The following TMEM117 variants were observed in gnomAD, a reference collection of about 807,000 sequenced individuals.
TMEM117 encodes transmembrane protein 117.
In TMEM117, 27 loss-of-function variants were observed where a neutral mutation model predicts 52.4. That is an observed-to-expected ratio of 0.51 (90% CI 0.38 to 0.71). TMEM117 has a LOEUF of 0.71. Among genes scored for constraint, TMEM117 ranks in the 30% least tolerant of loss-of-function variants. The pLI is 0.00. For missense variants in TMEM117, 556 were observed against 630.5 expected (o/e 0.88, Z 1.26); for synonymous variants, 215 against 206.3 (o/e 1.04, Z -0.36).
chr12:43,972,172 G>A (rs1945598309), intron 3 of TMEM117, among the ~76,000 whole-genome samples: 1 of 152,198 alleles, frequency 6.6e-6, no homozygotes, highest in African/African-American at 2.4e-5. Context: ...CCAACAGGAA[G>A]GAGATACTAT....
intron 3 of TMEM117, among the ~76,000 whole-genome samples, chr12:44,046,592 G>T (rs1446865075): frequency 2.6e-5 from 4 of 152,172 alleles, no homozygotes; most frequent in South Asian, 2.1e-4. Context: ...ACCTGCCAAG[G>T]TGCTTGCTGA....
At chr12:44,216,469 A>T (rs745639936) in intron 5 of TMEM117, among the ~76,000 whole-genome samples, 1 of 152,172 alleles carries the variant, frequency 6.6e-6, no homozygotes, top group Non-Finnish European at 1.5e-5. Flanking sequence ...GGACTGTTTG[A>T]TACTGTAGCC....
At chr12:44,391,074 G>A (rs1330135940), downstream of TMEM117, among the ~76,000 whole-genome samples, 2 of 152,116 alleles carry the variant, frequency 1.3e-5, no homozygotes, top group African/African-American at 2.4e-5. Context: ...CAAATGTGAT[G>A]TCTTAATTGC....
intron 6 of TMEM117, among the ~76,000 whole-genome samples, chr12:44,374,373 A>C (rs901585984): frequency 3.3e-5 from 5 of 152,244 alleles, no homozygotes; most frequent in Non-Finnish European, 7.4e-5. Context: ...TGAATGAGTC[A>C]TCATCTATTT....
chr12:44,033,365 CT>C (rs1434093665), intron 3 of TMEM117, among the ~76,000 whole-genome samples: 1 of 152,192 alleles, frequency 6.6e-6, no homozygotes, highest in Non-Finnish European at 1.5e-5. Flanking sequence ...TCTTAATAAA[CT>C]TTCTTTCACT....
intron 2 of TMEM117, among the ~76,000 whole-genome samples, chr12:43,929,899 A>T (rs147945419): frequency 1.8e-4 from 28 of 151,980 alleles, no homozygotes; most frequent in African/African-American, 6.3e-4. Context: ...TATGTTATCA[A>T]TTTTTTCCCC....
intron 4 of TMEM117, among the ~76,000 whole-genome samples, chr12:44,162,059 A>G (rs990099153): frequency 2.0e-5 from 3 of 152,156 alleles, no homozygotes; most frequent in Non-Finnish European, 4.4e-5. Context: ...TGAAACTACT[A>G]AAGTGAGTTT....
chr12:44,082,108 G>A (rs1342102932), intron 3 of TMEM117, among the ~76,000 whole-genome samples: 1 of 151,800 alleles, frequency 6.6e-6, no homozygotes, highest in Non-Finnish European at 1.5e-5. Flanking sequence ...CTGTAAAATA[G>A]AATAATTCTA....
At position 44,311,797 on chromosome 12, in the gene TMEM117, GTATATATGTATATATGTA is replaced by G. The variant is rs1443577574; in HGVS notation, c.768+12082_768+12099del. ...TATATGTGTATATATGTATATATAT[GTATATATGTATATATGTA>G]TATATATGTATATATGTATATATGT... On this transcript the variant is annotated intron_variant, in intron 6 of 7. Transcript: ENST00000266534. Among the ~76,000 whole-genome samples the G allele has an allele frequency of 9.0e-4, 20 of 22,218 alleles. No homozygotes were observed. In the East Asian group the frequency reaches 0.017, roughly 19 times the overall value. The allele number at this position is 22,218 out of a possible 152,430, so 14.6% of individuals were successfully genotyped here.
At chr12:44,190,736 A>C (rs1246905923) in intron 4 of TMEM117, among the ~76,000 whole-genome samples, 1 of 151,840 alleles carries the variant, frequency 6.6e-6, no homozygotes, top group Non-Finnish European at 1.5e-5. Context: ...AACTGACATG[A>C]GGCTTTTCAT....
At chr12:44,169,457 G>A (rs1380228524) in intron 4 of TMEM117, among the ~76,000 whole-genome samples, 5 of 152,138 alleles carry the variant, frequency 3.3e-5, no homozygotes, top group Admixed American at 6.5e-5. Context: ...TGATGGTTAA[G>A]TATCTTTTCA....
intron 3 of TMEM117, among the ~76,000 whole-genome samples, chr12:44,076,068 T>C (rs1328874094): frequency 1.3e-5 from 2 of 152,164 alleles, no homozygotes; most frequent in African/African-American, 4.8e-5. Flanking sequence ...ACCACCTAAA[T>C]GAACTGACTT....
At chr12:43,832,598 C>T (rs895522380), upstream of TMEM117, among the ~76,000 whole-genome samples, 13 of 152,184 alleles carry the variant, frequency 8.5e-5, no homozygotes, top group Non-Finnish European at 1.6e-4. Flanking sequence ...AGCGAGTAAG[C>T]AGTGGAGCCA....
At chr12:44,258,237 T>A (rs1486693617) in intron 5 of TMEM117, among the ~76,000 whole-genome samples, 10 of 150,480 alleles carry the variant, frequency 6.6e-5, no homozygotes, top group Admixed American at 2.0e-4. Flanking sequence ...ATGACCTCCC[T>A]GTTCATTCTA....
At chr12:44,192,278 C>T (rs1296508065) in intron 4 of TMEM117, among the ~76,000 whole-genome samples, 2 of 152,160 alleles carry the variant, frequency 1.3e-5, no homozygotes, top group South Asian at 2.1e-4. Context: ...GAGGCTTAGA[C>T]ATGTGATTCC....
intron 3 of TMEM117, among the ~76,000 whole-genome samples, chr12:43,974,886 A>G (rs1272346366): frequency 6.6e-6 from 1 of 152,156 alleles, no homozygotes; most frequent in Non-Finnish European, 1.5e-5. Flanking sequence ...CCATGATGTT[A>G]TAACTAACAT....
intron 2 of TMEM117, among the ~76,000 whole-genome samples, chr12:43,848,224 A>T (rs961169496): frequency 6.6e-6 from 1 of 152,168 alleles, no homozygotes; most frequent in Non-Finnish European, 1.5e-5. Flanking sequence ...TTGTCTTGAT[A>T]AACATCTTAA....
intron 4 of TMEM117, among the ~76,000 whole-genome samples, chr12:44,157,040 T>G (rs956945163): frequency 2.6e-5 from 4 of 152,118 alleles, no homozygotes; most frequent in African/African-American, 9.7e-5. Context: ...AGATAATATT[T>G]AAGTTTTCCT....
chr12:44,368,950 A>T (rs1397960409), intron 6 of TMEM117, among the ~76,000 whole-genome samples: 1 of 152,038 alleles, frequency 6.6e-6, no homozygotes, highest in Admixed American at 6.6e-5. Context: ...GATGAAGATG[A>T]TCTAAGATGA....
Sources: gnomAD v4.1 joint callset for allele counts (sites outside exome capture counted in the v4.1 genomes callset) on GRCh38, gnomAD v4.1.1 for gene constraint, MANE v1.5 for transcripts, NCBI Gene and HGNC (gene_info 2026-07-23, HGNC 2026-07-21) for gene names.